Variants in MAB21L1 observed in about 807,000 individuals in gnomAD.
MAB21L1 encodes mab-21 like 1, also known as putative nucleotidyltransferase MAB21L1.
A neutral mutation model predicts 28.9 loss-of-function variants in MAB21L1; 8 were observed. That is an observed-to-expected ratio of 0.28 (90% CI 0.16 to 0.50). The LOEUF (loss-of-function observed/expected upper bound fraction) is 0.50. MAB21L1 is among the 20% of genes least tolerant of loss of function. The pLI, the probability that MAB21L1 is intolerant of heterozygous loss-of-function variation, is 0.98. For synonymous variants in MAB21L1, 219 were observed against 198.2 expected (o/e 1.10, Z -0.88); for missense variants, 388 against 466.5 (o/e 0.83, Z 1.55).
At position 35,473,994 on chromosome 13, in the gene MAB21L1, G is replaced by A. The variant is rs2075759501; in HGVS notation, c.*1065C>T. On this transcript the variant is annotated 3_prime_UTR_variant, in exon 1 of 1. Transcript: ENST00000379919. The stretch of plus-strand genomic sequence containing the variant: ...GTAGATTTAAATTGTTTCTGTTGTA[G>A]AAAGGAATTGTCTTACAAGTAAGTT... Among the ~76,000 whole-genome samples, 2 of 152,116 alleles carry A rather than the reference G, an allele frequency of 1.3e-5. No homozygotes were observed. The highest frequency in any genetic ancestry group is 4.8e-5 in the African/African-American group (2 of 41,460).
Position 35,473,984 on chromosome 13 carries a change from T to G in MAB21L1, c.*1075A>C, listed in dbSNP as rs1409679508. On this transcript the variant is annotated 3_prime_UTR_variant, in exon 1 of 1. Transcript: ENST00000379919. ...GCTTTCAAAGGTAGATTTAAATTGT[T>G]TCTGTTGTAGAAAGGAATTGTCTTA... Among the ~76,000 whole-genome samples the G allele has an allele frequency of 6.6e-6, 1 of 152,174 alleles. No homozygotes were observed. Among genetic ancestry groups the G allele is most frequent in the Non-Finnish European group, 1.5e-5 (1 of 68,012 alleles).
chr13:35,476,316 TGCTGCTGCTGCTGCTG>T lies in MAB21L1; in HGVS notation c.-194_-179del. On this transcript the variant is annotated 5_prime_UTR_variant, in exon 1 of 1. Coordinates refer to ENST00000379919, the MANE Select transcript of MAB21L1 (RefSeq NM_005584.5). ...GTTTCCCTGCTGCTGCTGCTGCTGC[TGCTGCTGCTGCTGCTG>T]CTGCTGCTGCTGCTGCTGCTGCTTT... The T allele has an allele frequency of 1.0e-6, 1 of 989,396 alleles. No individual in the cohort carries two copies. Among genetic ancestry groups the T allele is most frequent in the Non-Finnish European group, 1.5e-6 (1 of 688,942 alleles). The allele number at this position is 989,396 out of a possible 1,614,324, so 61.3% of individuals were successfully genotyped here.
Position 35,476,364 on chromosome 13 carries a change from CCTTTT to C in MAB21L1, c.-231_-227del. 1.0e-6 allele frequency: 1 copy of C among 1,001,228 alleles called. No individual in the cohort carries two copies. The highest frequency in any genetic ancestry group is 1.4e-5 in the South Asian group (1 of 73,518). 62.0% of individuals were successfully genotyped at this position (1,001,228 alleles called of 1,614,324 possible). ...CTGCTGCTGCTGCTGCTTTTCCCTTCCTTTTATCTTTGAGCCCAGCCGTTCTTAAA... is the reference window on the plus strand; with the variant it reads ...CTGCTGCTGCTGCTGCTTTTCCCTTCATCTTTGAGCCCAGCCGTTCTTAAA... On this transcript the variant is annotated 5_prime_UTR_variant, in exon 1 of 1. It adds an upstream start codon to the 5' untranslated region. Transcript: ENST00000379919.
Position 35,475,959 on chromosome 13 carries a change from GT to G in MAB21L1, c.179del (p.Asp60AlafsTer41). Reference protein sequence around the residue: ...PRFISSLNEMDNRYEGLEVIS... With the variant: ...PRFISSLNEMXNRYEGLEVIS... ...TGACCTCGAGGCCCTCGTAGCGATT[GT>G]CCATCTCGTTGAGAGAGCTGATGAA... On this transcript the variant is annotated frameshift_variant, in exon 1 of 1. Transcript: ENST00000379919. LOFTEE classifies it high-confidence loss of function. The G allele has an allele frequency of 6.2e-7, 1 of 1,614,202 alleles. No homozygotes were observed. The highest frequency in any genetic ancestry group is 1.7e-5 in the Admixed American group (1 of 60,030).
At position 35,475,579 on chromosome 13, in the gene MAB21L1, C is replaced by G. The variant is rs2075829794; in HGVS notation, c.560G>C (p.Trp187Ser). ...CGGCCAGGGGATGTGGGGAAGTGGC[C>G]AGTGGGCAGCACTCCTCGGCCAGAT... ...TGIWPRSAAH[W>S]PLPHIPWPGP... Residue 187 changes from tryptophan (W) to serine (S), a missense_variant, in exon 1 of 1, where the codon TGG (tryptophan) becomes TCG (serine). By Grantham distance (177) the Trp-to-Ser change is radical. Around this residue, in one of 3 missense-constraint regions of MAB21L1, gnomAD observed 218 missense variants for 220.6 expected, o/e 0.99. Coordinates refer to ENST00000379919, the MANE Select transcript of MAB21L1 (RefSeq NM_005584.5). 1 of 1,613,464 alleles carries G rather than the reference C, an allele frequency of 6.2e-7. No homozygotes were observed. Among genetic ancestry groups the G allele is most frequent in the Non-Finnish European group, 8.5e-7 (1 of 1,179,966 alleles).
Position 35,475,712 on chromosome 13 carries a change from A to G in MAB21L1, c.427T>C (p.Cys143Arg). 1 of 1,613,332 alleles carries G rather than the reference A, an allele frequency of 6.2e-7. No individual in the cohort carries two copies. Among genetic ancestry groups the G allele is most frequent in the Non-Finnish European group, 8.5e-7 (1 of 1,179,890 alleles). Reference sequence around the variant, plus strand: ...ATCTTTACCACATCCCGGTAGCTACATTTGTCTACCGCTTGAGCCACCAGC... The same window carrying G: ...ATCTTTACCACATCCCGGTAGCTACGTTTGTCTACCGCTTGAGCCACCAGC... Reference protein sequence around the residue: ...QTLVAQAVDKCSYRDVVKMVA... With the variant: ...QTLVAQAVDKRSYRDVVKMVA... The change falls in exon 1 of 1, where the codon TGT becomes CGT. Residue 143 changes from cysteine (C) to arginine (R), a missense_variant. Cys to Arg is a radical substitution (Grantham distance 180). This residue lies in a region of MAB21L1 where 81 missense variants were observed against 153.7 expected (regional missense o/e 0.53). Transcript: ENST00000379919.
In MAB21L1 at chr13:35,475,166, C is replaced by A; in HGVS notation, c.973G>T (p.Asp325Tyr). The A allele has an allele frequency of 6.2e-7, 1 of 1,614,044 alleles. No homozygotes were observed. Reference sequence around the variant, plus strand: ...GAGTGAGGTTTGCCTTGAAACAGATCTAAGTTCGGTAGAAAGTAGTGGGGA... The same window carrying A: ...GAGTGAGGTTTGCCTTGAAACAGATATAAGTTCGGTAGAAAGTAGTGGGGA... ...RCPHYFLPNL[D>Y]LFQGKPHSAL... Residue 325 changes from aspartate (D) to tyrosine (Y), a missense_variant, in exon 1 of 1, where the codon GAT (aspartate) becomes TAT (tyrosine). By Grantham distance (160) the Asp-to-Tyr change is radical. Around this residue, in one of 3 missense-constraint regions of MAB21L1, gnomAD observed 218 missense variants for 220.6 expected, o/e 0.99. Transcript: ENST00000379919.
chr13:35,475,106 G>A lies in MAB21L1; in HGVS notation c.1033C>T (p.Leu345=), dbSNP rs373370224. 333 of 1,614,012 alleles carry A rather than the reference G, an allele frequency of 2.1e-4. No individual in the cohort carries two copies. The highest frequency in any genetic ancestry group is 2.7e-4 in the Non-Finnish European group (318 of 1,180,036). ...GGGTTGGTCAGGATCTCTCTTGCCAGTCGCCACGTTTGTTTGGCAGCGTTT... is the reference window on the plus strand; with the variant it reads ...GGGTTGGTCAGGATCTCTCTTGCCAATCGCCACGTTTGTTTGGCAGCGTTT... ...LENAAKQTWR[L]AREILTNPKS... Residue 345 remains leucine (L), a synonymous_variant, in exon 1 of 1, where the codon CTG becomes TTG. Coordinates refer to ENST00000379919, the MANE Select transcript of MAB21L1 (RefSeq NM_005584.5).
In MAB21L1 at chr13:35,475,071, C is replaced by G. The variant is rs1286955253; in HGVS notation, c.1068G>C (p.Leu356Phe). ...ATTAAATCATCCTCTAAAGTTTTTC[C>G]AAACTTTTCGGGTTGGTCAGGATCT... ...AREILTNPKS[L>F]EKL The change falls in exon 1 of 1, where the codon TTG (leucine) becomes TTC (phenylalanine). Residue 356 changes from leucine (L) to phenylalanine (F), a missense_variant. Physicochemically the swap from Leu to Phe is conservative, Grantham distance 22. Around this residue, in one of 3 missense-constraint regions of MAB21L1, gnomAD observed 218 missense variants for 220.6 expected, o/e 0.99. Coordinates refer to ENST00000379919, the MANE Select transcript of MAB21L1 (RefSeq NM_005584.5). 3 of 1,610,360 alleles carry G rather than the reference C, an allele frequency of 1.9e-6. No individual in the cohort carries two copies. In the African/African-American group the frequency reaches 4.0e-5, roughly 22 times the overall value.
rs760477189 is a variant in MAB21L1, at chr13:35,475,079, T to G, written c.1060A>C (p.Lys354Gln). ...ATCCTCTAAAGTTTTTCCAAACTTT[T>G]CGGGTTGGTCAGGATCTCTCTTGCC... ...RLAREILTNP[K>Q]SLEKL Residue 354 changes from lysine to glutamine, a missense_variant, in exon 1 of 1, where the codon AAA (lysine) becomes CAA (glutamine). Coordinates refer to ENST00000379919, the MANE Select transcript of MAB21L1 (RefSeq NM_005584.5). 2.5e-6 allele frequency: 4 copies of G among 1,612,448 alleles called. No homozygotes were observed. The South Asian group carries it at 4.4e-5, about 18-fold the overall frequency.
chr13:35,475,064 G>A lies in MAB21L1; in HGVS notation c.1075C>T (p.Leu359Phe). 1 of 1,611,446 alleles carries A rather than the reference G, an allele frequency of 6.2e-7. No homozygotes were observed. ...GCTCTTGATTAAATCATCCTCTAAAGTTTTTCCAAACTTTTCGGGTTGGTC... is the reference window on the plus strand; with the variant it reads ...GCTCTTGATTAAATCATCCTCTAAAATTTTTCCAAACTTTTCGGGTTGGTC... ...ILTNPKSLEK[L>F] The change falls in exon 1 of 1, where the codon CTT (leucine) becomes TTT (phenylalanine). Residue 359 changes from leucine to phenylalanine, a missense_variant. By Grantham distance (22) the Leu-to-Phe change is conservative. This residue lies in a region of MAB21L1 where 218 missense variants were observed against 220.6 expected (regional missense o/e 0.99). Transcript: ENST00000379919.
Position 35,475,166 on chromosome 13 carries a change from C to T in MAB21L1, c.973G>A (p.Asp325Asn). ...RCPHYFLPNL[D>N]LFQGKPHSAL... is the part of the protein sequence containing the mutation. ...GAGTGAGGTTTGCCTTGAAACAGAT[C>T]TAAGTTCGGTAGAAAGTAGTGGGGA... Residue 325 changes from aspartate to asparagine, a missense_variant, in exon 1 of 1, where the codon GAT becomes AAT. By Grantham distance (23) the Asp-to-Asn change is conservative. Coordinates refer to ENST00000379919, the MANE Select transcript of MAB21L1 (RefSeq NM_005584.5). 6.2e-7 allele frequency: 1 copy of T among 1,614,044 alleles called. No individual in the cohort carries two copies.
In MAB21L1 at chr13:35,476,019, G is replaced by C; in HGVS notation, c.120C>G (p.Asp40Glu). The C allele has an allele frequency of 6.2e-7, 1 of 1,614,194 alleles. No individual in the cohort carries two copies. Among genetic ancestry groups the C allele is most frequent in the Non-Finnish European group, 8.5e-7 (1 of 1,180,040 alleles). The change falls in exon 1 of 1, where the codon GAC (aspartate) becomes GAG (glutamate). Residue 40 changes from aspartate to glutamate, a missense_variant. By Grantham distance (45) the Asp-to-Glu change is conservative. Coordinates refer to ENST00000379919, the MANE Select transcript of MAB21L1 (RefSeq NM_005584.5). The part of the protein sequence containing the change: ...TIREVCKVVS[D>E]VLKEVEVQEP... Reference sequence around the variant, plus strand: ...CCTGCACTTCCACTTCCTTCAGTACGTCGGAAACTACTTTGCAGACTTCCC... The same window carrying C: ...CCTGCACTTCCACTTCCTTCAGTACCTCGGAAACTACTTTGCAGACTTCCC...
In MAB21L1 at chr13:35,475,347, C is replaced by A. The variant is rs765735057; in HGVS notation, c.792G>T (p.Leu264=). Residue 264 remains leucine, a synonymous_variant, in exon 1 of 1, where the codon CTG becomes CTT. Coordinates refer to ENST00000379919, the MANE Select transcript of MAB21L1 (RefSeq NM_005584.5). The part of the protein sequence containing the change: ...LKTLRDRHLE[L]PGQPLNNYHM... ...GGTAATTGTTCAAGGGCTGGCCCGG[C>A]AGTTCAAGGTGACGATCCCTTAAGG... 7 of 1,613,938 alleles carry A rather than the reference C, an allele frequency of 4.3e-6. No homozygotes were observed. In the African/African-American group the frequency reaches 8.0e-5, roughly 18 times the overall value.
chr13:35,475,400 T>C lies in MAB21L1; in HGVS notation c.739A>G (p.Arg247Gly), dbSNP rs1452742262. 6.2e-7 allele frequency: 1 copy of C among 1,613,664 alleles called. No homozygotes were observed. The highest frequency in any genetic ancestry group is 8.5e-7 in the Non-Finnish European group (1 of 1,179,978). The change falls in exon 1 of 1, where the codon AGA (arginine) becomes GGA (glycine). Residue 247 changes from arginine (R) to glycine (G), a missense_variant. Arg to Gly is a moderately radical substitution (Grantham distance 125). Around this residue, in one of 3 missense-constraint regions of MAB21L1, gnomAD observed 218 missense variants for 220.6 expected, o/e 0.99. Transcript: ENST00000379919. Reference protein sequence around the residue: ...AENRLQMGGCRKKCLSILKTL... With the variant: ...AENRLQMGGCGKKCLSILKTL... The stretch of plus-strand genomic sequence containing the variant: ...TTGAGGATGGAGAGGCACTTCTTTC[T>C]GCAGCCCCCCATCTGCAGTCTGTTC...
Position 35,474,831 on chromosome 13 carries a change from A to G in MAB21L1, c.*228T>C. 1.9e-6 allele frequency: 1 copy of G among 519,124 alleles called. No individual in the cohort carries two copies. The highest frequency in any genetic ancestry group is 3.4e-6 in the Non-Finnish European group (1 of 297,734). 32.2% of individuals were successfully genotyped at this position (519,124 alleles called of 1,614,324 possible). ...AAGGGAGATAGGAAATCGTGTGGAA[A>G]GAAGTCTTCTAATACTAGTGGCTTT... is the stretch of plus-strand genomic sequence containing the variant. On this transcript the variant is annotated 3_prime_UTR_variant, in exon 1 of 1. Coordinates refer to ENST00000379919, the MANE Select transcript of MAB21L1 (RefSeq NM_005584.5).
At position 35,473,885 on chromosome 13, in the gene MAB21L1, T is replaced by A. The variant is rs1192254983; in HGVS notation, c.*1174A>T. Among the ~76,000 whole-genome samples the A allele has an allele frequency of 6.6e-6, 1 of 152,182 alleles. No individual in the cohort carries two copies. Among genetic ancestry groups the A allele is most frequent in the African/African-American group, 2.4e-5 (1 of 41,456 alleles). The stretch of plus-strand genomic sequence containing the variant: ...TTCATTTCCTCTGAATTAGTCAGAT[T>A]TTTAACTCAGTCATCTCTACTGTCA... On this transcript the variant is annotated 3_prime_UTR_variant, in exon 1 of 1. Coordinates refer to ENST00000379919, the MANE Select transcript of MAB21L1 (RefSeq NM_005584.5).
rs1457547210 is a variant in MAB21L1 at position 35,475,140 on chromosome 13, T to C, written c.999A>G (p.Ser333=). The C allele has an allele frequency of 6.2e-7, 1 of 1,614,120 alleles. No individual in the cohort carries two copies. The highest frequency in any genetic ancestry group is 8.5e-7 in the Non-Finnish European group (1 of 1,180,012). The change falls in exon 1 of 1, where the codon TCA becomes TCG. Residue 333 remains serine (S), a synonymous_variant. Coordinates refer to ENST00000379919, the MANE Select transcript of MAB21L1 (RefSeq NM_005584.5). ...NLDLFQGKPH[S]ALENAAKQTW... is the part of the protein sequence containing the mutation. ...TTTGTTTGGCAGCGTTTTCCAGAGC[T>C]GAGTGAGGTTTGCCTTGAAACAGAT...
rs535048596 is a variant in MAB21L1 at position 35,475,411 on chromosome 13, A to C, written c.728T>G (p.Met243Arg). The C allele has an allele frequency of 6.2e-7, 1 of 1,613,586 alleles. No homozygotes were observed. Among genetic ancestry groups the C allele is most frequent in the Admixed American group, 1.7e-5 (1 of 59,964 alleles). The change falls in exon 1 of 1, where the codon ATG becomes AGG. Residue 243 changes from methionine (M) to arginine (R), a missense_variant. Coordinates refer to ENST00000379919, the MANE Select transcript of MAB21L1 (RefSeq NM_005584.5). The part of the protein sequence containing the change: ...QFAEAENRLQ[M>R]GGCRKKCLSI... ...GAGGCACTTCTTTCTGCAGCCCCCC[A>C]TCTGCAGTCTGTTCTCTGCCTCCGC... is the stretch of plus-strand genomic sequence containing the variant.
Sources: allele counts gnomAD v4.1 joint callset (sites outside exome capture counted in the v4.1 genomes callset), GRCh38; gene constraint gnomAD v4.1.1; regional missense constraint gnomAD v4.1.1; transcripts MANE v1.5; gene names NCBI Gene and HGNC (gene_info 2026-07-23, HGNC 2026-07-21).